SEPTIN6: variants seen among roughly 807,000 people sequenced by gnomAD.
SEPTIN6 encodes the protein septin-6.
A neutral mutation model predicts 33.6 loss-of-function variants in SEPTIN6; 8 were observed. That is an observed-to-expected ratio of 0.24 (90% CI 0.14 to 0.43). SEPTIN6 has a LOEUF of 0.43. Ranked by LOEUF, SEPTIN6 falls within the 20% of genes least tolerant of loss-of-function variation. SEPTIN6 has a pLI of 1.00. For missense variants in SEPTIN6, 250 were observed against 340.8 expected (o/e 0.73, Z 2.10); for synonymous variants, 131 against 140.0 (o/e 0.94, Z 0.45).
chrX:119,621,489 G>A (rs2053763534), intron 10 of SEPTIN6, among the ~76,000 whole-genome samples: 1 of 104,265 alleles, frequency 9.6e-6, no homozygotes, highest in Admixed American at 1.0e-4. Flanking sequence ...GTGTGTGTGT[G>A]TGTGTATTTT....
intron 1 of SEPTIN6, among the ~76,000 whole-genome samples, chrX:119,687,314 A>G (rs1382411636): frequency 9.5e-6 from 1 of 104,983 alleles, no homozygotes; most frequent in East Asian, 2.9e-4. Flanking sequence ...GCAGTGGCAC[A>G]ATCTCGGCTC....
chrX:119,675,781 T>C (rs1368916026), intron 1 of SEPTIN6, 113 bp from the exon 2 acceptor site: 2 of 364,014 alleles, frequency 5.5e-6, no homozygotes, highest in Non-Finnish European at 9.3e-6. Context: ...CCAGGCCCAG[T>C]GTGTCATCTC....
chrX:119,660,801 G>A (rs1385710227), intron 3 of SEPTIN6, among the ~76,000 whole-genome samples: 1 of 98,715 alleles, frequency 1.0e-5, no homozygotes. Context: ...AGCCAAGGCG[G>A]GGGTGAGCGG....
intron 10 of SEPTIN6, chrX:119,624,172 TGTTTGTTTG>T: frequency 4.0e-6 from 1 of 249,233 alleles, no homozygotes; most frequent in Non-Finnish European, 7.6e-6. Flanking sequence ...TTTTTTTGTT[TGTTTGTTTG>T]TTTGTTTTTT....
In SEPTIN6 at chrX:119,617,247, T is replaced by C. The variant is rs1397196526; in HGVS notation, c.*2846A>G. The C allele has an allele frequency of 1.2e-6, 1 of 804,422 alleles. No individual in the cohort carries two copies. Among genetic ancestry groups the C allele is most frequent in the Non-Finnish European group, 1.5e-6 (1 of 670,791 alleles). The allele number at this position is 804,422 out of a possible 1,213,427, so 66.3% of individuals were successfully genotyped here. On this transcript the variant is annotated 3_prime_UTR_variant, in exon 11 of 11. Coordinates refer to ENST00000394610, the MANE Select transcript of SEPTIN6 (RefSeq NM_145799.4). ...AAGTAAACAGAGTACTTAGGGTATT[T>C]TTTTTTTAAATAGTAACAGTTGTAC...
intron 5 of SEPTIN6, among the ~76,000 whole-genome samples, chrX:119,643,507 T>C (rs1470943722): frequency 9.0e-6 from 1 of 110,987 alleles, no homozygotes; most frequent in Non-Finnish European, 1.9e-5. Flanking sequence ...GGTGACTTGC[T>C]TCCCCCTCTT....
chrX:119,684,245 C>G (rs958511878), intron 1 of SEPTIN6, among the ~76,000 whole-genome samples: 2 of 110,986 alleles, frequency 1.8e-5, no homozygotes, highest in Non-Finnish European at 3.8e-5. Context: ...GTGCCCAGCC[C>G]CCTTATTATA....
intron 10 of SEPTIN6, among the ~76,000 whole-genome samples, chrX:119,623,210 A>C (rs977884340): frequency 3.6e-5 from 4 of 111,876 alleles, no homozygotes; most frequent in Non-Finnish European, 7.5e-5. Context: ...CCCTGATCCA[A>C]ACAAACCAAA....
At chrX:119,676,151 T>G (rs1449901151) in intron 1 of SEPTIN6, among the ~76,000 whole-genome samples, 1 of 111,881 alleles carries the variant, frequency 8.9e-6, no homozygotes, top group Non-Finnish European at 1.9e-5. Context: ...CAGTAAGTAT[T>G]ACGAAAAGGG....
intron 1 of SEPTIN6, among the ~76,000 whole-genome samples, chrX:119,676,389 G>A (rs762100107): frequency 3.7e-5 from 4 of 109,142 alleles, no homozygotes; most frequent in African/African-American, 1.3e-4. Flanking sequence ...GCTTGAACCC[G>A]GGAGGTGTAG....
At chrX:119,629,948 C>T (rs754032573) in intron 8 of SEPTIN6, among the ~76,000 whole-genome samples, 6 of 110,827 alleles carry the variant, frequency 5.4e-5, no homozygotes, top group Non-Finnish European at 1.1e-4. Flanking sequence ...GGTGAAACCC[C>T]GTCTCTACTA....
Position 119,637,124 on chromosome X carries a change from G to A in SEPTIN6, c.859C>T (p.Arg287Trp), listed in dbSNP as rs1250800962. Residue 287 changes from arginine (R) to tryptophan (W), a missense_variant, in exon 7 of 11, where the codon CGG becomes TGG. Arg to Trp is a moderately radical substitution (Grantham distance 101, BLOSUM62 -3). Around this residue, in one of 2 missense-constraint regions of SEPTIN6, gnomAD observed 139 missense variants for 227.0 expected, o/e 0.61. Transcript: ENST00000394610. Reference protein sequence around the residue: ...MLIRVNMEDLREQTHTRHYEL... With the variant: ...MLIRVNMEDLWEQTHTRHYEL... ...TAGTGCCGGGTGTGGGTCTGCTCCCGCAGATCCTCCATGTTGACCCGAATC... is the reference window on the plus strand; with the variant it reads ...TAGTGCCGGGTGTGGGTCTGCTCCCACAGATCCTCCATGTTGACCCGAATC... The A allele has an allele frequency of 2.5e-6, 3 of 1,209,405 alleles. No individual in the cohort carries two copies. The highest frequency in any genetic ancestry group is 1.8e-5 in the South Asian group (1 of 56,832).
At chrX:119,627,149 T>C (rs1353750430) in intron 9 of SEPTIN6, among the ~76,000 whole-genome samples, 1 of 111,145 alleles carries the variant, frequency 9.0e-6, no homozygotes, top group African/African-American at 3.3e-5. Flanking sequence ...AAATATCCCA[T>C]AGTTAAGTCC....
At chrX:119,641,981 G>A (rs11797680) in intron 5 of SEPTIN6, among the ~76,000 whole-genome samples, 31,742 of 110,603 alleles carry the variant, frequency 0.29, 3,813 homozygotes, top group African/African-American at 0.45. Context: ...CCTATGATAT[G>A]TGCTAGGCAT....
intron 3 of SEPTIN6, 112 bp downstream of exon 3, chrX:119,663,370 A>G: frequency 1.6e-6 from 1 of 625,309 alleles, no homozygotes; most frequent in Non-Finnish European, 2.5e-6. Context: ...CCATTCTGGG[A>G]GGACAGGCTT....
At chrX:119,630,636 G>A (rs1407870876) in intron 8 of SEPTIN6, among the ~76,000 whole-genome samples, 5 of 111,452 alleles carry the variant, frequency 4.5e-5, no homozygotes, top group Admixed American at 9.6e-5. Flanking sequence ...CCCAGTAGTC[G>A]GCTCAATCCC....
At chrX:119,624,033 CT>C (rs771248760) in intron 10 of SEPTIN6, 2 of 335,049 alleles carry the variant, frequency 6.0e-6, no homozygotes, top group South Asian at 2.8e-5. Flanking sequence ...GAATCCTTAC[CT>C]GCTGATCTCC....
chrX:119,686,486 G>A, intron 1 of SEPTIN6: 1 of 549,982 alleles, frequency 1.8e-6, no homozygotes. Context: ...CCGGCTGAGA[G>A]CGCGCTGCAT....
downstream of SEPTIN6, chrX:119,616,618 G>T: frequency 1.1e-6 from 1 of 878,604 alleles, no homozygotes. Context: ...GTGTGTGCTT[G>T]CAGTTTGAGG....
Sources: gnomAD v4.1 joint callset for allele counts (sites outside exome capture counted in the v4.1 genomes callset) on GRCh38, gnomAD v4.1.1 for gene constraint, gnomAD v4.1.1 regional missense constraint, MANE v1.5 for transcripts, NCBI Gene and HGNC (gene_info 2026-07-23, HGNC 2026-07-21) for gene names.